MALRD1: variants seen among roughly 807,000 people sequenced by gnomAD.
MALRD1 encodes MAM and LDL-receptor class A domain-containing protein 1.
In MALRD1, 247 loss-of-function variants were observed where a neutral mutation model predicts 242.1. The observed-to-expected ratio is 1.02, with a 90% CI of 0.92 to 1.13. The LOEUF is 1.13. Among genes scored for constraint, MALRD1 ranks in the 50% most tolerant of loss-of-function variants. The probability of loss-of-function intolerance (pLI) is 0.00; values close to 1 mark genes in which losing one functional copy is unlikely to be tolerated. For synonymous variants in MALRD1, 995 were observed against 866.6 expected, an observed-to-expected ratio of 1.15 and a Z score of -2.60; for missense variants, 2,989 against 2,533.1, an observed-to-expected ratio of 1.18 and a Z score of -3.86.
intron 32 of MALRD1, among the ~76,000 whole-genome samples, chr10:19,534,900 T>G (rs952146114): frequency 2.6e-5 from 4 of 151,564 alleles, no homozygotes; most frequent in Non-Finnish European, 4.4e-5. Context: ...TTGTTTTTGT[T>G]TTTTGAGATG....
intron 28 of MALRD1, among the ~76,000 whole-genome samples, chr10:19,415,627 T>A (rs994517905): frequency 6.6e-6 from 1 of 152,182 alleles, no homozygotes; most frequent in African/African-American, 2.4e-5. Context: ...ACTAATTTTT[T>A]AAAAATTCAT....
chr10:19,434,229 A>G lies in MALRD1; in HGVS notation c.4846-16078A>G, dbSNP rs901466971. Among the ~76,000 whole-genome samples the G allele has an allele frequency of 7.9e-4, 121 of 152,298 alleles. 1 individual carries two copies. Among genetic ancestry groups the G allele is most frequent in the African/African-American group, 2.9e-3 (119 of 41,576 alleles). ...GAATGGGAGGACATTCTGTCTGTTT[A>G]AAACGATTTTATAAAATGTATGTCT... On this transcript the variant is annotated intron_variant, in intron 28 of 39. Coordinates refer to ENST00000454679, the MANE Select transcript of MALRD1 (RefSeq NM_001142308.3).
chr10:19,238,453 T>C (rs1398660678), intron 18 of MALRD1, among the ~76,000 whole-genome samples: 3 of 48,914 alleles, frequency 6.1e-5, no homozygotes, highest in South Asian at 5.5e-4. Flanking sequence ...ATACATTATA[T>C]ATAATATATA....
At chr10:19,288,853 A>T (rs890895290) in intron 21 of MALRD1, among the ~76,000 whole-genome samples, 31 of 152,106 alleles carry the variant, frequency 2.0e-4, no homozygotes, top group African/African-American at 7.0e-4. Context: ...AAAGAAAACT[A>T]ATGGTGTCTC....
chr10:19,474,449 A>C (rs1836637109), intron 29 of MALRD1, among the ~76,000 whole-genome samples: 2 of 152,124 alleles, frequency 1.3e-5, no homozygotes, highest in South Asian at 4.1e-4. Context: ...CTCATTAGTA[A>C]CAAAATATTC....
chr10:19,202,103 G>A (rs879374346), intron 14 of MALRD1, among the ~76,000 whole-genome samples: 3 of 151,940 alleles, frequency 2.0e-5, no homozygotes, highest in South Asian at 2.1e-4. Flanking sequence ...TGTGAGCCAC[G>A]GCGCCCGACT....
At chr10:19,713,389 G>C (rs560151545) in intron 38 of MALRD1, among the ~76,000 whole-genome samples, 1 of 152,160 alleles carries the variant, frequency 6.6e-6, no homozygotes, top group African/African-American at 2.4e-5. Flanking sequence ...AGGGGATAAG[G>C]CATATAGTTG....
At chr10:19,177,844 A>T (rs569071738) in intron 14 of MALRD1, among the ~76,000 whole-genome samples, 1 of 151,986 alleles carries the variant, frequency 6.6e-6, no homozygotes, top group African/African-American at 2.4e-5. Context: ...TTTGTGTAGA[A>T]TTTCTTCCCC....
At chr10:19,354,789 G>A (rs117712550) in intron 26 of MALRD1, among the ~76,000 whole-genome samples, 2,563 of 152,160 alleles carry the variant, frequency 0.017, 36 homozygotes, top group Middle Eastern at 0.054. Flanking sequence ...AAATGTTTGA[G>A]GTGATGGTTA....
intron 28 of MALRD1, among the ~76,000 whole-genome samples, chr10:19,431,496 T>A (rs1834125143): frequency 6.6e-6 from 1 of 152,216 alleles, no homozygotes; most frequent in Admixed American, 6.5e-5. Flanking sequence ...TTATGAGTAG[T>A]AACATATTTC....
chr10:19,191,323 C>G (rs1230003777), intron 14 of MALRD1, among the ~76,000 whole-genome samples: 2 of 152,022 alleles, frequency 1.3e-5, no homozygotes, highest in East Asian at 3.9e-4. Context: ...CAAAACCAAA[C>G]AAAAAACCAA....
At chr10:19,159,042 G>A (rs952532606) in intron 12 of MALRD1, among the ~76,000 whole-genome samples, 1 of 152,204 alleles carries the variant, frequency 6.6e-6, no homozygotes, top group Non-Finnish European at 1.5e-5. Flanking sequence ...GAAAGGGCGA[G>A]CAGGTGCTCT....
intron 29 of MALRD1, among the ~76,000 whole-genome samples, chr10:19,451,895 A>G (rs1835348333): frequency 6.6e-6 from 1 of 152,190 alleles, no homozygotes; most frequent in Non-Finnish European, 1.5e-5. Flanking sequence ...AGGAGCATGT[A>G]GCTCCAGGTA....
At chr10:19,186,518 A>G (rs1311893417) in intron 14 of MALRD1, among the ~76,000 whole-genome samples, 1 of 152,242 alleles carries the variant, frequency 6.6e-6, no homozygotes, top group Non-Finnish European at 1.5e-5. Flanking sequence ...AGAATTCAGG[A>G]TAGTAGTGAA....
rs1358767913 is a variant in MALRD1, at chr10:19,692,488, CA to C, written c.6249del (p.Phe2084SerfsTer2). 1.3e-6 allele frequency: 2 copies of C among 1,535,794 alleles called. No individual in the cohort carries two copies. Among genetic ancestry groups the C allele is most frequent in the Non-Finnish European group, 8.7e-7 (1 of 1,146,518 alleles). Reference sequence around the variant, plus strand: ...TGGACTCTCCTGGGTATTGGATTAGCATTCCTGATGACTCACATCACAGTTG... The same window carrying C: ...TGGACTCTCCTGGGTATTGGATTAGCTTCCTGATGACTCACATCACAGTTG... ...NTWTLLGIGL[A>X]FLMTHITVAV... On this transcript the variant is annotated frameshift_variant, in exon 38 of 40. Transcript: ENST00000454679. LOFTEE classifies it high-confidence loss of function.
At chr10:19,049,389 G>A (rs1834419718) in intron 1 of MALRD1, among the ~76,000 whole-genome samples, 1 of 152,124 alleles carries the variant, frequency 6.6e-6, no homozygotes, top group Admixed American at 6.5e-5. Flanking sequence ...TTATGAAGAA[G>A]GAGTGCTAAA....
chr10:19,124,863 G>T (rs774813614), intron 7 of MALRD1, among the ~76,000 whole-genome samples, 193 bp downstream of exon 7: 4 of 144,028 alleles, frequency 2.8e-5, no homozygotes, highest in Non-Finnish European at 3.0e-5. Context: ...ATTATACTAG[G>T]TTAACAATAT....
At chr10:19,107,936 G>A (rs923223296) in intron 5 of MALRD1, among the ~76,000 whole-genome samples, 3 of 151,880 alleles carry the variant, frequency 2.0e-5, no homozygotes, top group African/African-American at 4.8e-5. Context: ...ATTTGTCTTT[G>A]ACTTTTGGTA....
chr10:19,648,731 A>G (rs1589357575), intron 36 of MALRD1, among the ~76,000 whole-genome samples: 2 of 152,346 alleles, frequency 1.3e-5, no homozygotes, highest in South Asian at 4.1e-4. Flanking sequence ...TATTTTGTAT[A>G]TATGCTAAAA....
Sources: allele counts gnomAD v4.1 joint callset (sites outside exome capture counted in the v4.1 genomes callset), GRCh38; gene constraint gnomAD v4.1.1; transcripts MANE v1.5; gene names NCBI Gene and HGNC (gene_info 2026-07-23, HGNC 2026-07-21).